Variants in AGFG1 observed in about 807,000 individuals in gnomAD.
AGFG1 encodes ArfGAP with FG repeats 1.
Under a neutral mutation model 60.6 loss-of-function variants are expected in AGFG1, and 10 were observed. The ratio of observed to expected loss-of-function variants is 0.16; its 90% confidence interval spans 0.10 to 0.28. AGFG1 has a LOEUF of 0.28. AGFG1 is among the 10% of genes least tolerant of loss of function. AGFG1 has a pLI of 1.00. For synonymous variants in AGFG1, 247 were observed against 242.9 expected, an observed-to-expected ratio of 1.02 and a Z score of -0.16; for missense variants, 537 against 676.5, an observed-to-expected ratio of 0.79 and a Z score of 2.29.
intron 6 of AGFG1, 49 bp from the exon 7 acceptor site, chr2:227,533,500 T>C: frequency 6.8e-7 from 1 of 1,471,686 alleles, no homozygotes; most frequent in Non-Finnish European, 9.5e-7. Flanking sequence ...TATGAGAGGG[T>C]ACTAGGAAAA....
At position 227,520,075 on chromosome 2, in the gene AGFG1, G is replaced by A; in HGVS notation, c.377+12G>A. 6.7e-7 allele frequency: 1 copy of A among 1,498,622 alleles called. No homozygotes were observed. The highest frequency in any genetic ancestry group is 9.1e-7 in the Non-Finnish European group (1 of 1,100,772). The allele number at this position is 1,498,622 out of a possible 1,614,324, so 92.8% of individuals were successfully genotyped here. A position where few individuals can be genotyped will look rare whatever the true frequency, so the allele number is the denominator to read the frequency against. ...GAAAAGAAAAGATGGTGAGTGAAGA[G>A]TTTGTATGTAGAATAAAGCCTCCCC... On this transcript the variant is annotated intron_variant, in intron 3 of 12. Transcript: ENST00000310078.
At chr2:227,531,348 G>T in intron 6 of AGFG1, 138 bp downstream of exon 6, 2 of 1,017,974 alleles carry the variant, frequency 2.0e-6, no homozygotes, top group South Asian at 1.9e-5. Flanking sequence ...AAAGCTCTGG[G>T]GAAACCTGAA....
intron 1 of AGFG1, among the ~76,000 whole-genome samples, chr2:227,484,470 C>T (rs888298307): frequency 2.5e-4 from 38 of 152,032 alleles, no homozygotes; most frequent in South Asian, 1.0e-3. Flanking sequence ...TGAGCCACCG[C>T]GCCTGGCTCA....
intron 2 of AGFG1, among the ~76,000 whole-genome samples, chr2:227,497,736 T>TTTTTG (rs1691024176): frequency 9.8e-4 from 4 of 4,100 alleles, no homozygotes; most frequent in African/African-American, 2.3e-3. Context: ...TCTTGTTTTG[T>TTTTTG]TTTTTTTTTT....
intron 2 of AGFG1, among the ~76,000 whole-genome samples, chr2:227,497,938 G>T (rs796776288): frequency 6.6e-6 from 1 of 151,556 alleles, no homozygotes; most frequent in African/African-American, 2.4e-5. Context: ...AAAATCCGTG[G>T]TTTAGTTTGA....
At chr2:227,494,869 A>C (rs1690930694) in intron 2 of AGFG1, among the ~76,000 whole-genome samples, 1 of 152,234 alleles carries the variant, frequency 6.6e-6, no homozygotes, top group South Asian at 2.1e-4. Flanking sequence ...ATACAATCAC[A>C]CAACTGATGG....
Position 227,555,845 on chromosome 2 carries a change from A to G in AGFG1, c.*1350A>G, listed in dbSNP as rs1205366994. The G allele has an allele frequency of 6.6e-6, 1 of 152,160 alleles. No individual in the cohort carries two copies. Among genetic ancestry groups the G allele is most frequent in the Non-Finnish European group, 1.5e-5 (1 of 68,022 alleles). The allele number at this position is 152,160 out of a possible 1,614,324, so 9.4% of individuals were successfully genotyped here. A position where few individuals can be genotyped will look rare whatever the true frequency, so the allele number is the denominator to read the frequency against. ...AAAATGCCTCTGAGCAACCCATATAAGTCACAAAGTCTGTGTGTTAGAGCT... is the reference window on the plus strand; with the variant it reads ...AAAATGCCTCTGAGCAACCCATATAGGTCACAAAGTCTGTGTGTTAGAGCT... On this transcript the variant is annotated 3_prime_UTR_variant, in exon 13 of 13. Coordinates refer to ENST00000310078, the MANE Select transcript of AGFG1 (RefSeq NM_004504.5).
chr2:227,521,223 G>A (rs1468345955), intron 3 of AGFG1, among the ~76,000 whole-genome samples: 7 of 151,968 alleles, frequency 4.6e-5, no homozygotes, highest in South Asian at 2.1e-4. Context: ...CCACCACCAC[G>A]CCTGGCTAAT....
intron 1 of AGFG1, among the ~76,000 whole-genome samples, chr2:227,490,067 C>T (rs1239083719): frequency 6.6e-6 from 1 of 152,066 alleles, no homozygotes; most frequent in Admixed American, 6.6e-5. Context: ...CTCGTCGTCT[C>T]GGCCCCCCAA....
At chr2:227,492,976 GA>G (rs1342478177) in intron 2 of AGFG1, among the ~76,000 whole-genome samples, 1 of 152,072 alleles carries the variant, frequency 6.6e-6, no homozygotes, top group African/African-American at 2.4e-5. Flanking sequence ...TTGGAAATTA[GA>G]ATGGAATCAG....
At chr2:227,489,117 T>C (rs1421940093) in intron 1 of AGFG1, among the ~76,000 whole-genome samples, 4 of 151,014 alleles carry the variant, frequency 2.6e-5, no homozygotes, top group Admixed American at 2.0e-4. Flanking sequence ...GCCCGGCCAC[T>C]TTTGGAAATT....
intron 10 of AGFG1, among the ~76,000 whole-genome samples, chr2:227,542,835 G>GGCAATCCC (rs2106233385): frequency 6.6e-6 from 1 of 152,258 alleles, no homozygotes; most frequent in South Asian, 2.1e-4. Flanking sequence ...TTCAGAGCCT[G>GGCAATCCC]TTATTGGTCT....
At chr2:227,548,449 T>G (rs1242617608) in intron 10 of AGFG1, among the ~76,000 whole-genome samples, 1 of 152,234 alleles carries the variant, frequency 6.6e-6, no homozygotes, top group Non-Finnish European at 1.5e-5. Context: ...TGATTAATAT[T>G]GGTTAACAGT....
intron 2 of AGFG1, among the ~76,000 whole-genome samples, chr2:227,516,128 T>G (rs1691643855): frequency 6.6e-6 from 1 of 152,220 alleles, no homozygotes. Flanking sequence ...AGGTAGAAAG[T>G]AAGTTTCCAT....
At chr2:227,504,632 T>A (rs748626862) in intron 2 of AGFG1, among the ~76,000 whole-genome samples, 20 of 152,380 alleles carry the variant, frequency 1.3e-4, no homozygotes, top group Non-Finnish European at 2.2e-4. Context: ...AATGTTGATG[T>A]ATTTTATCAT....
In AGFG1 at chr2:227,484,677, G is replaced by GT. The variant is rs34405103; in HGVS notation, c.168-6860dup. ...AAGCTTCTTTAATGAAGATCTCTTA[G>GT]TTTTTTTTTTGTTTTTTTTTTTTTT... On this transcript the variant is annotated intron_variant, in intron 1 of 12. Transcript: ENST00000310078. Among the ~76,000 whole-genome samples, 32 of 115,894 alleles carry GT rather than the reference G, an allele frequency of 2.8e-4. 1 individual carries two copies. The highest frequency in any genetic ancestry group is 5.0e-4 in the East Asian group (2 of 3,964). 76.0% of individuals were successfully genotyped at this position (115,894 alleles called of 152,430 possible).
intron 1 of AGFG1, among the ~76,000 whole-genome samples, chr2:227,483,218 C>T (rs1412574176): frequency 1.3e-5 from 2 of 152,062 alleles, no homozygotes; most frequent in South Asian, 2.1e-4. Context: ...CTTAAAAATA[C>T]TTGTTTTGAT....
At chr2:227,473,389 A>G (rs1177750309) in intron 1 of AGFG1, among the ~76,000 whole-genome samples, 1 of 152,148 alleles carries the variant, frequency 6.6e-6, no homozygotes, top group Admixed American at 6.5e-5. Flanking sequence ...GATTCTAAAT[A>G]TGATGGAGTT....
At chr2:227,503,274 C>A (rs575416988) in intron 2 of AGFG1, among the ~76,000 whole-genome samples, 1 of 151,346 alleles carries the variant, frequency 6.6e-6, no homozygotes, top group African/African-American at 2.4e-5. Flanking sequence ...CGTATAATTA[C>A]GGGTTATATG....
Sources: allele counts gnomAD v4.1 joint callset (sites outside exome capture counted in the v4.1 genomes callset), GRCh38; gene constraint gnomAD v4.1.1; transcripts MANE v1.5; gene names NCBI Gene and HGNC (gene_info 2026-07-23, HGNC 2026-07-21).